CAMKMT: variants seen among roughly 807,000 people sequenced by gnomAD.
The protein encoded by CAMKMT is calmodulin-lysine N-methyltransferase.
In CAMKMT, 53 loss-of-function variants were observed where a neutral mutation model predicts 48.0. That is an observed-to-expected ratio of 1.10 (90% CI 0.89 to 1.39). CAMKMT has a LOEUF of 1.39. Ranked by LOEUF, CAMKMT falls within the 40% of genes most tolerant of loss-of-function variation. The probability of loss-of-function intolerance (pLI) is 0.00; values close to 1 mark genes in which losing one functional copy is unlikely to be tolerated. For missense variants in CAMKMT, 428 were observed against 402.7 expected, an observed-to-expected ratio of 1.06 and a Z score of -0.54; for synonymous variants, 165 against 152.3, an observed-to-expected ratio of 1.08 and a Z score of -0.61.
At chr2:44,690,503 G>T (rs1224140109) in intron 3 of CAMKMT, among the ~76,000 whole-genome samples, 1 of 152,184 alleles carries the variant, frequency 6.6e-6, no homozygotes, top group East Asian at 1.9e-4. Context: ...CTAAACCCTG[G>T]CTGTGCCGCT....
chr2:44,409,488 T>C (rs1400795929), intron 3 of CAMKMT, among the ~76,000 whole-genome samples: 2 of 152,154 alleles, frequency 1.3e-5, no homozygotes, highest in Non-Finnish European at 2.9e-5. Context: ...GTAGATGTTA[T>C]TGCGTTATCA....
chr2:44,475,968 A>G (rs568235748), intron 3 of CAMKMT, among the ~76,000 whole-genome samples: 2 of 152,372 alleles, frequency 1.3e-5, no homozygotes, highest in East Asian at 1.9e-4. Flanking sequence ...TTCTTATCAT[A>G]TAATGTATGG....
At chr2:44,702,309 A>G (rs186988075) in intron 3 of CAMKMT, among the ~76,000 whole-genome samples, 2 of 152,284 alleles carry the variant, frequency 1.3e-5, no homozygotes, top group East Asian at 3.9e-4. Flanking sequence ...TAACAGGTCA[A>G]AATGGTTTTC....
chr2:44,564,008 G>T (rs905498770), intron 3 of CAMKMT, among the ~76,000 whole-genome samples: 10 of 152,074 alleles, frequency 6.6e-5, no homozygotes, highest in Non-Finnish European at 1.0e-4. Context: ...GGATGGCTGG[G>T]TCAAATGGTA....
At chr2:44,486,600 C>G (rs1309473403) in intron 3 of CAMKMT, among the ~76,000 whole-genome samples, 1 of 152,194 alleles carries the variant, frequency 6.6e-6, no homozygotes, top group Non-Finnish European at 1.5e-5. Flanking sequence ...GGCTGTGGTT[C>G]TTTACCTACA....
At chr2:44,410,144 T>G (rs1462218251) in intron 3 of CAMKMT, among the ~76,000 whole-genome samples, 1 of 143,424 alleles carries the variant, frequency 7.0e-6, no homozygotes, top group Non-Finnish European at 1.5e-5. Flanking sequence ...TCTTACCATG[T>G]ACTACCAAAG....
chr2:44,720,476 T>G (rs889877552), intron 7 of CAMKMT, among the ~76,000 whole-genome samples: 2 of 152,172 alleles, frequency 1.3e-5, no homozygotes, highest in African/African-American at 4.8e-5. Context: ...AAGTTACATA[T>G]CAATAAAAAT....
Position 44,564,641 on chromosome 2 carries a change from C to T in CAMKMT, c.377-139642C>T, listed in dbSNP as rs548161735. ...CTCAGCTCAGTCTCCCAGGTTCAAG[C>T]GATTCTCTCCTGCCTCAGCCTCCCG... On this transcript the variant is annotated intron_variant, in intron 3 of 10. Coordinates refer to ENST00000378494, the MANE Select transcript of CAMKMT (RefSeq NM_024766.5). 5.3e-5 allele frequency among the ~76,000 whole-genome samples: 8 copies of T among 151,824 alleles called. No individual in the cohort carries two copies. The South Asian group carries it at 8.4e-4, about 16-fold the overall frequency.
intron 10 of CAMKMT, among the ~76,000 whole-genome samples, chr2:44,768,484 G>A (rs1253278076): frequency 6.6e-6 from 1 of 151,894 alleles, no homozygotes; most frequent in Non-Finnish European, 1.5e-5. Flanking sequence ...GTGCTGACCG[G>A]GCTGGCACGT....
chr2:44,578,420 C>T (rs77515426), intron 3 of CAMKMT, among the ~76,000 whole-genome samples: 2,507 of 152,216 alleles, frequency 0.016, 29 homozygotes, highest in Non-Finnish European at 0.028. Context: ...AAATGTTATA[C>T]TGTCACCTAG....
intron 3 of CAMKMT, among the ~76,000 whole-genome samples, chr2:44,675,085 GA>G (rs201919086): frequency 0.15 from 22,519 of 146,292 alleles, 1,955 homozygotes; most frequent in Admixed American, 0.24. Context: ...TTAAGGGGGG[GA>G]AAAAAAAAAA....
intron 3 of CAMKMT, among the ~76,000 whole-genome samples, chr2:44,530,824 G>A (rs1231026378): frequency 6.6e-6 from 1 of 151,580 alleles, no homozygotes; most frequent in Admixed American, 6.6e-5. Flanking sequence ...AATTTTAGAA[G>A]GTATTAAAAA....
intron 3 of CAMKMT, among the ~76,000 whole-genome samples, chr2:44,444,621 G>C (rs550895866): frequency 2.0e-5 from 3 of 152,162 alleles, no homozygotes; most frequent in Non-Finnish European, 4.4e-5. Context: ...TTAAGCTACT[G>C]TTCAAGTTAT....
chr2:44,689,723 T>G (rs1676536802), intron 3 of CAMKMT, among the ~76,000 whole-genome samples: 1 of 152,222 alleles, frequency 6.6e-6, no homozygotes, highest in South Asian at 2.1e-4. Flanking sequence ...TCTTCTCACT[T>G]TCTGACATCC....
chr2:44,708,511 G>C (rs1677691068), intron 6 of CAMKMT, among the ~76,000 whole-genome samples: 1 of 151,894 alleles, frequency 6.6e-6, no homozygotes, highest in Admixed American at 6.6e-5. Context: ...TTGCCTGACA[G>C]ACTTAAAAAA....
At position 44,728,457 on chromosome 2, in the gene CAMKMT, T is replaced by A. The variant is rs544668106; in HGVS notation, c.623+13104T>A. Among the ~76,000 whole-genome samples the A allele has an allele frequency of 2.0e-5, 3 of 152,320 alleles. No individual in the cohort carries two copies. The East Asian group carries it at 5.8e-4, about 29-fold the overall frequency. ...ATAGAATGAGTTAGGGAGGAGCCCC[T>A]CCTCCTCAATTTTTTGGAATAGTTT... On this transcript the variant is annotated intron_variant, in intron 7 of 10. Transcript: ENST00000378494.
At chr2:44,629,442 T>C (rs1483412197) in intron 3 of CAMKMT, among the ~76,000 whole-genome samples, 2 of 147,756 alleles carry the variant, frequency 1.4e-5, no homozygotes, top group Admixed American at 6.7e-5. Context: ...TCTTTTTTTT[T>C]TTTTTTTTTT....
chr2:44,734,959 A>G (rs776272187), intron 7 of CAMKMT, among the ~76,000 whole-genome samples: 6 of 152,172 alleles, frequency 3.9e-5, no homozygotes, highest in Non-Finnish European at 8.8e-5. Context: ...AAAATCTCTG[A>G]CAATAATTTG....
intron 3 of CAMKMT, among the ~76,000 whole-genome samples, chr2:44,565,042 C>A (rs548321991): frequency 6.6e-6 from 1 of 152,148 alleles, no homozygotes; most frequent in Admixed American, 6.5e-5. Flanking sequence ...CATGTGTATT[C>A]GTGTCCTAAT....
Sources: allele counts gnomAD v4.1 joint callset (sites outside exome capture counted in the v4.1 genomes callset), GRCh38; gene constraint gnomAD v4.1.1; transcripts MANE v1.5; gene names NCBI Gene and HGNC (gene_info 2026-07-23, HGNC 2026-07-21).